The following RPA1 variants were observed in gnomAD, a reference collection of about 807,000 sequenced individuals.
RPA1 encodes replication protein A1, also known as replication protein A 70 kDa DNA-binding subunit.
A neutral mutation model predicts 83.0 loss-of-function variants in RPA1; 49 were observed. That is an observed-to-expected ratio of 0.59 (90% CI 0.47 to 0.75). The LOEUF is 0.75. Among genes scored for constraint, RPA1 ranks in the 30% least tolerant of loss-of-function variants. RPA1 has a pLI of 0.00. For missense variants in RPA1, 693 were observed against 776.1 expected (o/e 0.89, Z 1.27); for synonymous variants, 279 against 281.8 (o/e 0.99, Z 0.10).
intron 5 of RPA1, among the ~76,000 whole-genome samples, chr17:1,856,697 A>C (rs973110437): frequency 1.3e-5 from 2 of 150,274 alleles, no homozygotes; most frequent in Admixed American, 6.6e-5. Flanking sequence ...TTTTTATTTA[A>C]TTTTTTATAT....
chr17:1,888,858 A>G lies in RPA1; in HGVS notation c.1551+7A>G. 6.2e-7 allele frequency: 1 copy of G among 1,610,680 alleles called. No individual in the cohort carries two copies. ...GTACCGCATGATCCTGTCAGTAAGTAGCCTCGGTAGATGAGAACCACGGTT... is the reference window on the plus strand; with the variant it reads ...GTACCGCATGATCCTGTCAGTAAGTGGCCTCGGTAGATGAGAACCACGGTT... On this transcript the variant is annotated splice_region_variant and intron_variant, in intron 14 of 16. Transcript: ENST00000254719.
At chr17:1,866,619 C>T (rs368555007) in intron 5 of RPA1, among the ~76,000 whole-genome samples, 68 of 152,174 alleles carry the variant, frequency 4.5e-4, no homozygotes, top group African/African-American at 1.6e-3. Flanking sequence ...GCCCGGCCAC[C>T]GGCTAATTTT....
intron 12 of RPA1, among the ~76,000 whole-genome samples, chr17:1,881,345 G>C (rs1393896422): frequency 6.6e-6 from 1 of 152,122 alleles, no homozygotes; most frequent in African/African-American, 2.4e-5. Flanking sequence ...TGTAGTCTAT[G>C]GGGGGGAAGT....
intron 4 of RPA1, among the ~76,000 whole-genome samples, chr17:1,850,495 C>G (rs1212652158): frequency 2.6e-5 from 4 of 151,634 alleles, no homozygotes; most frequent in African/African-American, 7.3e-5. Context: ...TGAGATTGCC[C>G]CACTGTACTC....
chr17:1,839,136 G>A (rs577798991), intron 1 of RPA1, among the ~76,000 whole-genome samples: 4 of 152,236 alleles, frequency 2.6e-5, no homozygotes, highest in East Asian at 1.9e-4. Flanking sequence ...GATTACAGGC[G>A]TGAGCCACTG....
At chr17:1,883,070 C>T (rs749709207) in intron 12 of RPA1, among the ~76,000 whole-genome samples, 1 of 152,184 alleles carries the variant, frequency 6.6e-6, no homozygotes, top group African/African-American at 2.4e-5. Context: ...CCTGTAATCC[C>T]AGCACTTTGG....
chr17:1,854,933 T>A (rs4435293), intron 5 of RPA1, among the ~76,000 whole-genome samples: 4 of 152,170 alleles, frequency 2.6e-5, no homozygotes, highest in Non-Finnish European at 2.9e-5. Context: ...TATCTTTGTC[T>A]TGTTCCTGAT....
In RPA1 at chr17:1,875,813, A is replaced by T; in HGVS notation, c.587+20A>T. 1 of 1,609,172 alleles carries T rather than the reference A, an allele frequency of 6.2e-7. No homozygotes were observed. The highest frequency in any genetic ancestry group is 1.1e-5 in the South Asian group (1 of 89,928). On this transcript the variant is annotated intron_variant, in intron 7 of 16. Coordinates refer to ENST00000254719, the MANE Select transcript of RPA1 (RefSeq NM_002945.5). Reference sequence around the variant, plus strand: ...GTCCAAGTGAGTTGTTGCATAGAGTAAGTTCAGAGTGTACTTATGAAATCG... The same window carrying T: ...GTCCAAGTGAGTTGTTGCATAGAGTTAGTTCAGAGTGTACTTATGAAATCG...
At chr17:1,839,687 C>T (rs1911967305) in intron 1 of RPA1, among the ~76,000 whole-genome samples, 1 of 150,272 alleles carries the variant, frequency 6.7e-6, no homozygotes, top group Non-Finnish European at 1.5e-5. Flanking sequence ...AGCTGGAGTG[C>T]AGTGACATAC....
At chr17:1,833,641 G>C (rs1911703515) in intron 1 of RPA1, among the ~76,000 whole-genome samples, 1 of 152,020 alleles carries the variant, frequency 6.6e-6, no homozygotes, top group Middle Eastern at 3.4e-3. Flanking sequence ...GATCACCTGA[G>C]ATTGGGAGTT....
chr17:1,873,203 G>A (rs1226021793), intron 6 of RPA1, among the ~76,000 whole-genome samples: 1 of 152,160 alleles, frequency 6.6e-6, no homozygotes, highest in African/African-American at 2.4e-5. Flanking sequence ...CCTCGTGGGT[G>A]TTTATCGTTT....
At chr17:1,877,080 A>T in intron 7 of RPA1, 132 bp from the exon 8 acceptor site, 1 of 776,196 alleles carries the variant, frequency 1.3e-6, no homozygotes, top group Non-Finnish European at 2.2e-6. Flanking sequence ...TTGGGGTTTT[A>T]ATTAGCTGGA....
intron 1 of RPA1, among the ~76,000 whole-genome samples, chr17:1,833,559 T>G (rs1470702605): frequency 6.6e-6 from 1 of 152,208 alleles, no homozygotes; most frequent in East Asian, 1.9e-4. Context: ...TAAGACAAAT[T>G]AAGAATGTTT....
chr17:1,866,761 A>G (rs971247691), intron 5 of RPA1, among the ~76,000 whole-genome samples: 4 of 152,338 alleles, frequency 2.6e-5, no homozygotes, highest in Middle Eastern at 3.4e-3. Flanking sequence ...GTGCCCGGCC[A>G]CCGTTTTAGT....
intron 4 of RPA1, among the ~76,000 whole-genome samples, chr17:1,846,875 T>C (rs1011680873): frequency 1.3e-5 from 2 of 152,212 alleles, no homozygotes; most frequent in African/African-American, 4.8e-5. Context: ...TTCTCTCTTC[T>C]ACTCCTCAAT....
chr17:1,883,302 T>A (rs941500202), intron 12 of RPA1, among the ~76,000 whole-genome samples: 1 of 152,148 alleles, frequency 6.6e-6, no homozygotes, highest in African/African-American at 2.4e-5. Flanking sequence ...TAGCTGGGAT[T>A]ACAGGCACCC....
chr17:1,874,421 G>A (rs191288945), intron 6 of RPA1, among the ~76,000 whole-genome samples: 13 of 152,198 alleles, frequency 8.5e-5, no homozygotes, highest in African/African-American at 3.1e-4. Flanking sequence ...TGGGAGGATC[G>A]TTTGAGCTCA....
At chr17:1,850,009 T>A (rs963278158) in intron 4 of RPA1, among the ~76,000 whole-genome samples, 1 of 151,566 alleles carries the variant, frequency 6.6e-6, no homozygotes, top group Non-Finnish European at 1.5e-5. Flanking sequence ...CTGTCTCTAC[T>A]GAAAATACAA....
chr17:1,894,332 A>G (rs2151293156), intron 15 of RPA1, among the ~76,000 whole-genome samples: 1 of 151,694 alleles, frequency 6.6e-6, no homozygotes, highest in Non-Finnish European at 1.5e-5. Context: ...ATGCCCAGCT[A>G]ATTTTTGTGT....
Sources: gnomAD v4.1 joint callset for allele counts (sites outside exome capture counted in the v4.1 genomes callset) on GRCh38, gnomAD v4.1.1 for gene constraint, MANE v1.5 for transcripts, NCBI Gene and HGNC (gene_info 2026-07-23, HGNC 2026-07-21) for gene names.